Variants in LY6E observed in about 807,000 individuals in gnomAD.
LY6E encodes the protein lymphocyte antigen 6E.
LY6E carries 4 observed loss-of-function variants against 7.7 expected under a neutral mutation model. The observed-to-expected ratio is 0.52, with a 90% confidence interval of 0.25 to 1.18. LY6E has a LOEUF of 1.18. LY6E is among the 50% of genes most tolerant of loss of function. LY6E has a pLI of 0.14. For missense variants in LY6E, 156 were observed against 168.0 expected, an observed-to-expected ratio of 0.93 and a Z score of 0.40; for synonymous variants, 81 against 80.1, an observed-to-expected ratio of 1.01 and a Z score of -0.06.
chr8:143,020,772 T>G (rs1819199307), intron 1 of LY6E, 111 bp from the exon 2 acceptor site: 1 of 630,142 alleles, frequency 1.6e-6, no homozygotes, highest in African/African-American at 1.8e-5. Flanking sequence ...CCTTGTGTGC[T>G]GGCAGGTCCC....
At position 143,021,791 on chromosome 8, in the gene LY6E, C is replaced by T. The variant is rs774074657; in HGVS notation, c.*2C>T. ...GCCCTGCTGCGGTTTGGCCCCTGAC[C>T]GCCCAGACCCTGTCCCCCGATCCCC... is the stretch of plus-strand genomic sequence containing the variant. On this transcript the variant is annotated 3_prime_UTR_variant, in exon 4 of 4. Transcript: ENST00000292494. The T allele has an allele frequency of 3.3e-5, 52 of 1,594,058 alleles. No homozygotes were observed. Among genetic ancestry groups the T allele is most frequent in the East Asian group, 1.8e-4 (8 of 44,708 alleles).
rs1273899667 is a variant in LY6E at position 143,020,994 on chromosome 8, G to T, written c.52+3G>T. 17 of 1,607,736 alleles carry T rather than the reference G, an allele frequency of 1.1e-5. No individual in the cohort carries two copies. The highest frequency in any genetic ancestry group is 1.4e-5 in the Non-Finnish European group (16 of 1,177,194). ...TGCCCTTCTGGGTGTGGAGCGAGGT[G>T]AGGTGCCCTTGGGGACCCCAGACCT... On this transcript the variant is annotated splice_donor_region_variant and intron_variant, in intron 2 of 3. Transcript: ENST00000292494.
At chr8:143,021,267 A>G (rs550400755) in intron 2 of LY6E, 47 bp from the exon 3 acceptor site, 2 of 1,599,314 alleles carry the variant, frequency 1.3e-6, no homozygotes. Flanking sequence ...CAGGCCTGGG[A>G]GGGACACTGG....
intron 2 of LY6E, 68 bp from the exon 3 acceptor site, chr8:143,021,246 T>C: frequency 6.4e-7 from 1 of 1,571,746 alleles, no homozygotes. Flanking sequence ...TCAGTAAATG[T>C]CCACTGGGGT....
At chr8:143,019,088 C>G (rs1019883561) in intron 1 of LY6E, 2 of 152,544 alleles carry the variant, frequency 1.3e-5, no homozygotes, top group Non-Finnish European at 2.9e-5. Flanking sequence ...AACCCGCCCC[C>G]GCTTCTTGTT....
chr8:143,021,528 C>T lies in LY6E; in HGVS notation c.173-38C>T, dbSNP rs201961030. 1.6e-5 allele frequency: 26 copies of T among 1,612,652 alleles called. No homozygotes were observed. The African/African-American group carries it at 2.3e-4, about 14-fold the overall frequency. On this transcript the variant is annotated intron_variant, in intron 3 of 3. Transcript: ENST00000292494. ...GAGGCCATTGCTGTCTGTCTGCAGC[C>T]GTCTGTCTCTCCCCTGACAGCCTCA...
At chr8:143,020,860 C>G (rs1161942288) in intron 1 of LY6E, 23 bp from the exon 2 acceptor site, 3 of 1,393,006 alleles carry the variant, frequency 2.2e-6, no homozygotes. Flanking sequence ...CCACCCGGCC[C>G]CCTAACCAGT....
In LY6E at chr8:143,022,228, T is replaced by G; in HGVS notation, c.*439T>G. The G allele has an allele frequency of 5.0e-6, 1 of 201,214 alleles. No homozygotes were observed. Among genetic ancestry groups the G allele is most frequent in the Non-Finnish European group, 9.9e-6 (1 of 100,710 alleles). The allele number at this position is 201,214 out of a possible 1,614,324, so 12.5% of individuals were successfully genotyped here. On this transcript the variant is annotated 3_prime_UTR_variant, in exon 4 of 4. Transcript: ENST00000292494. ...GTGCCAGCAGCCTGGAGAGCCTCAG[T>G]CCCTGTAGCCCCCTGCCCTGGCACA... is the stretch of plus-strand genomic sequence containing the variant.
Position 143,021,799 on chromosome 8 carries a change from C to CCCTGTCCCCCGATCCCCCAGCT in LY6E, c.*12_*33dup. ...GCGGTTTGGCCCCTGACCGCCCAGA[C>CCCTGTCCCCCGATCCCCCAGCT]CCTGTCCCCCGATCCCCCAGCTCAG... On this transcript the variant is annotated 3_prime_UTR_variant, in exon 4 of 4. Coordinates refer to ENST00000292494, the MANE Select transcript of LY6E (RefSeq NM_002346.3). 1 of 1,586,372 alleles carries CCCTGTCCCCCGATCCCCCAGCT rather than the reference C, an allele frequency of 6.3e-7. No homozygotes were observed. Among genetic ancestry groups the CCCTGTCCCCCGATCCCCCAGCT allele is most frequent in the South Asian group, 1.1e-5 (1 of 88,300 alleles).
intron 2 of LY6E, 84 bp downstream of exon 2, chr8:143,021,075 C>T: frequency 6.8e-7 from 1 of 1,470,958 alleles, no homozygotes; most frequent in Non-Finnish European, 9.4e-7. Context: ...TGAGCAGACG[C>T]CCCAGGGGTC....
At chr8:143,021,483 G>T (rs1380696267) in intron 3 of LY6E, 50 bp downstream of exon 3, 1 of 1,613,566 alleles carries the variant, frequency 6.2e-7, no homozygotes. Context: ...CATCTCCCTA[G>T]CCCGGGCCGG....
At position 143,021,405 on chromosome 8, in the gene LY6E, C is replaced by A. The variant is rs904762834; in HGVS notation, c.144C>A (p.Cys48Ter). The change falls in exon 3 of 4, where the codon TGC becomes TGA. Residue 48 changes from cysteine to a stop codon, truncating the protein, a stop_gained. Coordinates refer to ENST00000292494, the MANE Select transcript of LY6E (RefSeq NM_002346.3). LOFTEE classifies it low-confidence loss of function (END_TRUNC). ...TCTGCTCCGACCAGGACAACTACTG[C>A]GTGACTGTGTCTGCTAGTGCCGGCA... ...PTICSDQDNY[C>*]VTVSASAGIG... 2 of 1,614,010 alleles carry A rather than the reference C, an allele frequency of 1.2e-6. No individual in the cohort carries two copies. Among genetic ancestry groups the A allele is most frequent in the Non-Finnish European group, 8.5e-7 (1 of 1,180,028 alleles).
chr8:143,021,320 C>T lies in LY6E; in HGVS notation c.59C>T (p.Ser20Leu), dbSNP rs368130997. 19 of 1,613,368 alleles carry T rather than the reference C, an allele frequency of 1.2e-5. No individual in the cohort carries two copies. The highest frequency in any genetic ancestry group is 9.9e-5 in the South Asian group (9 of 91,068). The change falls in exon 3 of 4, where the codon TCG becomes TTG. Residue 20 changes from serine to leucine, a missense_variant. By Grantham distance (145) the Ser-to-Leu change is moderately radical. Transcript: ENST00000292494. ...AALLGVERAS[S>L]LMCFSCLNQK... ...GTGTGTCCTCCTTCCGCAGCCAGCT[C>T]GCTGATGTGCTTCTCCTGCTTGAAC...
rs376767323 is a variant in LY6E at position 143,021,638 on chromosome 8, A to G, written c.245A>G (p.Asn82Ser). The G allele has an allele frequency of 5.7e-5, 92 of 1,613,940 alleles. No homozygotes were observed. Among genetic ancestry groups the G allele is most frequent in the African/African-American group, 2.4e-4 (18 of 75,028 alleles). ...SPACPIPEGV[N>S]VGVASMGISC... The stretch of plus-strand genomic sequence containing the variant: ...GCCTGCCCCATCCCAGAAGGCGTCA[A>G]TGTTGGTGTGGCTTCCATGGGCATC... The change falls in exon 4 of 4, where the codon AAT (asparagine) becomes AGT (serine). Residue 82 changes from asparagine to serine, a missense_variant. By Grantham distance (46) the Asn-to-Ser change is conservative (BLOSUM62 1). Coordinates refer to ENST00000292494, the MANE Select transcript of LY6E (RefSeq NM_002346.3).
chr8:143,018,738 A>T (rs1319905035), intron 1 of LY6E, 152 bp downstream of exon 1: 1 of 152,134 alleles, frequency 6.6e-6, no homozygotes, highest in African/African-American at 2.4e-5. Flanking sequence ...GGTGGGAGAG[A>T]GCAAGAGGGG....
In LY6E at chr8:143,021,417, T is replaced by C. The variant is rs2130453334; in HGVS notation, c.156T>C (p.Ser52=). The C allele has an allele frequency of 6.2e-7, 1 of 1,614,008 alleles. No homozygotes were observed. The highest frequency in any genetic ancestry group is 1.1e-5 in the South Asian group (1 of 91,086). The change falls in exon 3 of 4, where the codon TCT becomes TCC. Residue 52 remains serine, a synonymous_variant. Coordinates refer to ENST00000292494, the MANE Select transcript of LY6E (RefSeq NM_002346.3). The part of the protein sequence containing the change: ...SDQDNYCVTV[S]ASAGIGNLVT... ...AGGACAACTACTGCGTGACTGTGTC[T>C]GCTAGTGCCGGCATTGGTGAGTGCC...
intron 1 of LY6E, chr8:143,019,257 T>G: frequency 6.6e-6 from 1 of 152,242 alleles, no homozygotes; most frequent in Non-Finnish European, 1.5e-5. Context: ...TCCCTGAGCC[T>G]GGGGATGAGC....
Position 143,021,804 on chromosome 8 carries a change from TC to T in LY6E, c.*20del. ...TTGGCCCCTGACCGCCCAGACCCTG[TC>T]CCCCGATCCCCCAGCTCAGGAAGGA... On this transcript the variant is annotated 3_prime_UTR_variant, in exon 4 of 4. Coordinates refer to ENST00000292494, the MANE Select transcript of LY6E (RefSeq NM_002346.3). 1.9e-6 allele frequency: 3 copies of T among 1,578,020 alleles called. No individual in the cohort carries two copies. The highest frequency in any genetic ancestry group is 1.7e-6 in the Non-Finnish European group (2 of 1,164,852).
Position 143,021,865 on chromosome 8 carries a change from G to A in LY6E, c.*76G>A. 6 of 1,372,848 alleles carry A rather than the reference G, an allele frequency of 4.4e-6. No individual in the cohort carries two copies. The highest frequency in any genetic ancestry group is 5.9e-6 in the Non-Finnish European group (6 of 1,014,924). The allele number at this position is 1,372,848 out of a possible 1,614,324, so 85.0% of individuals were successfully genotyped here. A position where few individuals can be genotyped will look rare whatever the true frequency, so the allele number is the denominator to read the frequency against. On this transcript the variant is annotated 3_prime_UTR_variant, in exon 4 of 4. Coordinates refer to ENST00000292494, the MANE Select transcript of LY6E (RefSeq NM_002346.3). ...CCTTTCTGGATCCCACAGTGTATGGGAGCCCCTGACTCCTCACGTGCCTGA... is the reference window on the plus strand; with the variant it reads ...CCTTTCTGGATCCCACAGTGTATGGAAGCCCCTGACTCCTCACGTGCCTGA...
Sources: gnomAD v4.1 joint callset for allele counts on GRCh38, gnomAD v4.1.1 for gene constraint, MANE v1.5 for transcripts, NCBI Gene and HGNC (gene_info 2026-07-23, HGNC 2026-07-21) for gene names.